The following UPP2 variants were observed in gnomAD, a reference collection of about 807,000 sequenced individuals.
The protein encoded by UPP2 is uridine phosphorylase 2, also known as UPase 2.
UPP2 carries 23 observed loss-of-function variants against 26.7 expected under a neutral mutation model. The observed-to-expected ratio is 0.86, with a 90% CI of 0.62 to 1.22. The LOEUF (loss-of-function observed/expected upper bound fraction) is 1.22. Ranked by LOEUF, UPP2 falls within the 50% of genes most tolerant of loss-of-function variation. The probability of loss-of-function intolerance (pLI) is 0.00; values close to 1 mark genes in which losing one functional copy is unlikely to be tolerated. For synonymous variants in UPP2, 127 were observed against 141.3 expected (o/e 0.90, Z 0.72); for missense variants, 387 against 396.7 (o/e 0.98, Z 0.21).
At chr2:158,114,794 T>C (rs1042790669) in intron 2 of UPP2, among the ~76,000 whole-genome samples, 4 of 152,196 alleles carry the variant, frequency 2.6e-5, no homozygotes, top group African/African-American at 7.2e-5. Context: ...GCTGTCTATG[T>C]CAATTTAAGA....
chr2:158,101,939 T>A lies in UPP2; in HGVS notation c.-125T>A. The A allele has an allele frequency of 7.1e-7, 1 of 1,413,854 alleles. No homozygotes were observed. Among genetic ancestry groups the A allele is most frequent in the Non-Finnish European group, 9.2e-7 (1 of 1,082,770 alleles). 87.6% of individuals were successfully genotyped at this position (1,413,854 alleles called of 1,614,324 possible). ...GCAATTTCACAGGAAAACCTAAGTT[T>A]TAAGAGAGGTTATCATTCTGACTGG... On this transcript the variant is annotated 5_prime_UTR_variant, in exon 1 of 7. Coordinates refer to ENST00000005756, the MANE Select transcript of UPP2 (RefSeq NM_173355.4).
chr2:158,069,798 G>T (rs1211142141), intron 3 of UPP2, among the ~76,000 whole-genome samples: 2 of 152,164 alleles, frequency 1.3e-5, no homozygotes, highest in African/African-American at 4.8e-5. Flanking sequence ...AGAGTGGATG[G>T]CTTATAAACA....
chr2:158,077,226 C>T (rs1317923375), intron 3 of UPP2, among the ~76,000 whole-genome samples: 1 of 151,646 alleles, frequency 6.6e-6, no homozygotes, highest in Non-Finnish European at 1.5e-5. Flanking sequence ...GTTAAATGTC[C>T]ATACTATCTA....
chr2:158,134,870 C>T lies in UPP2; in HGVS notation c.934C>T (p.Arg312Trp), dbSNP rs560916486. The T allele has an allele frequency of 2.2e-5, 35 of 1,613,070 alleles. No homozygotes were observed. Among genetic ancestry groups the T allele is most frequent in the Middle Eastern group, 1.6e-4 (1 of 6,082 alleles). Reference sequence around the variant, plus strand: ...CCTAATCTCCAACTTCATCAGACGGCGGCTTGGACTTTGTGACTAGACGTC... The same window carrying T: ...CCTAATCTCCAACTTCATCAGACGGTGGCTTGGACTTTGTGACTAGACGTC... ...QLLISNFIRRRLGLCD is the reference protein window; with the variant it reads ...QLLISNFIRRWLGLCD The change falls in exon 7 of 7, where the codon CGG becomes TGG. Residue 312 changes from arginine to tryptophan, a missense_variant. Arg to Trp is a moderately radical substitution (Grantham distance 101). Transcript: ENST00000005756.
chr2:158,131,643 T>C (rs1574314410), intron 6 of UPP2, among the ~76,000 whole-genome samples: 1 of 152,304 alleles, frequency 6.6e-6, no homozygotes, highest in East Asian at 1.9e-4. Context: ...CAGAACATTC[T>C]AGCCTCAGGT....
chr2:158,121,606 G>T lies in UPP2; in HGVS notation c.652G>T (p.Asp218Tyr). Residue 218 changes from aspartate (D) to tyrosine (Y), a missense_variant, in exon 5 of 7, where the codon GAT becomes TAT. Transcript: ENST00000005756. ...CGTTGGACATACAATGTGTACCTAT[G>T]ATTTTTATGAAGGTGAGAACAATTT... Reference protein sequence around the residue: ...TLVGHTMCTYDFYEGQGRLDG... With the variant: ...TLVGHTMCTYYFYEGQGRLDG... The T allele has an allele frequency of 8.7e-6, 14 of 1,612,664 alleles. No homozygotes were observed. The highest frequency in any genetic ancestry group is 1.2e-5 in the Non-Finnish European group (14 of 1,178,776).
At chr2:158,069,187 A>C (rs1558920664) in intron 3 of UPP2, among the ~76,000 whole-genome samples, 1 of 152,002 alleles carries the variant, frequency 6.6e-6, no homozygotes, top group East Asian at 1.9e-4. Context: ...CATTTCATGA[A>C]CTCCTATCTT....
At chr2:158,009,375 C>T (rs894681880) in intron 2 of UPP2, among the ~76,000 whole-genome samples, 33 of 152,158 alleles carry the variant, frequency 2.2e-4, no homozygotes, top group African/African-American at 7.7e-4. Context: ...TAACCCCTAA[C>T]ATTTTGTACA....
chr2:158,012,472 T>G (rs1393266793), intron 2 of UPP2, among the ~76,000 whole-genome samples: 1 of 151,924 alleles, frequency 6.6e-6, no homozygotes, highest in African/African-American at 2.4e-5. Context: ...TTCACCACAT[T>G]GGCCAGGCTG....
chr2:158,036,220 C>T (rs910701700), intron 3 of UPP2, among the ~76,000 whole-genome samples: 1 of 152,222 alleles, frequency 6.6e-6, no homozygotes, highest in Non-Finnish European at 1.5e-5. Context: ...CTCCAAGATT[C>T]ATAGTGTCAC....
chr2:158,014,096 G>A lies in UPP2; in HGVS notation c.62-1705G>A, dbSNP rs75248162. Among the ~76,000 whole-genome samples the A allele has an allele frequency of 5.1e-3, 773 of 152,328 alleles. 4 individuals are homozygous for A. The highest frequency in any genetic ancestry group is 0.017 in the African/African-American group (726 of 41,578). ...ACACAGGATTTCCACTTAGGAAAAT[G>A]TGCTGTACATTTGGCTGCAGCATTT... On this transcript the variant is annotated intron_variant, in intron 2 of 9. Transcript: ENST00000605860.
At chr2:158,115,643 T>C (rs6713742) in intron 3 of UPP2, among the ~76,000 whole-genome samples, 8,078 of 152,264 alleles carry the variant, frequency 0.053, 608 homozygotes, top group African/African-American at 0.17. Context: ...AGTGCTGCTG[T>C]TTAACACCAT....
chr2:158,098,009 A>G (rs1683013905), upstream of UPP2, among the ~76,000 whole-genome samples: 1 of 152,164 alleles, frequency 6.6e-6, no homozygotes, highest in Non-Finnish European at 1.5e-5. Flanking sequence ...AGTCCCTAAT[A>G]AGGCAATGTG....
intron 2 of UPP2, among the ~76,000 whole-genome samples, chr2:158,109,904 T>G (rs184823253): frequency 1.3e-5 from 2 of 152,156 alleles, no homozygotes; most frequent in African/African-American, 2.4e-5. Context: ...AGGAAATAGT[T>G]TGAACTGAGG....
chr2:158,007,222 C>A (rs1210985413), intron 2 of UPP2, among the ~76,000 whole-genome samples: 2 of 152,144 alleles, frequency 1.3e-5, no homozygotes, highest in African/African-American at 4.8e-5. Context: ...CGAGGCGGTG[C>A]TATCATTATA....
chr2:158,036,743 T>C (rs1417645112), intron 3 of UPP2, among the ~76,000 whole-genome samples: 5 of 152,226 alleles, frequency 3.3e-5, no homozygotes, highest in African/African-American at 1.2e-4. Flanking sequence ...GTTCTCAACA[T>C]GTCAGTTATC....
chr2:158,091,068 G>A (rs762530161), intron 3 of UPP2, among the ~76,000 whole-genome samples: 1 of 152,192 alleles, frequency 6.6e-6, no homozygotes. Flanking sequence ...GAAGTAACGC[G>A]TCACTTGTGT....
At chr2:158,104,476 AAATT>A (rs1410541466) in intron 1 of UPP2, among the ~76,000 whole-genome samples, 3 of 152,204 alleles carry the variant, frequency 2.0e-5, no homozygotes, top group Non-Finnish European at 4.4e-5. Flanking sequence ...CAGAGTGTCT[AAATT>A]AATTAGTGCC....
intron 2 of UPP2, among the ~76,000 whole-genome samples, chr2:157,998,126 T>C (rs1683350570): frequency 6.6e-6 from 1 of 152,008 alleles, no homozygotes; most frequent in Admixed American, 6.6e-5. Context: ...CTGGAGGTGG[T>C]TTTAACATCT....
Sources: gnomAD v4.1 joint callset for allele counts (sites outside exome capture counted in the v4.1 genomes callset) on GRCh38, gnomAD v4.1.1 for gene constraint, MANE v1.5 for transcripts, NCBI Gene and HGNC (gene_info 2026-07-23, HGNC 2026-07-21) for gene names.